The following GSG1L variants were observed in gnomAD, a reference collection of about 807,000 sequenced individuals.
GSG1L encodes germ cell-specific gene 1-like protein.
Under a neutral mutation model 42.1 loss-of-function variants are expected in GSG1L, and 24 were observed. The ratio of observed to expected loss-of-function variants is 0.57; its 90% confidence interval spans 0.41 to 0.80. The LOEUF (loss-of-function observed/expected upper bound fraction) is 0.80. Among genes scored for constraint, GSG1L ranks in the 30% least tolerant of loss-of-function variants. The pLI is 0.00. For missense variants in GSG1L, 445 were observed against 472.2 expected, an observed-to-expected ratio of 0.94 and a Z score of 0.53; for synonymous variants, 215 against 203.5, an observed-to-expected ratio of 1.06 and a Z score of -0.48.
intron 4 of GSG1L, among the ~76,000 whole-genome samples, chr16:27,839,126 T>C (rs1239996561): frequency 1.3e-5 from 2 of 152,166 alleles, no homozygotes; most frequent in Non-Finnish European, 2.9e-5. Flanking sequence ...GGAAAGAGGC[T>C]GGTCTGCTGT....
chr16:27,953,618 C>T (rs1291958108), intron 2 of GSG1L, among the ~76,000 whole-genome samples: 1 of 152,142 alleles, frequency 6.6e-6, no homozygotes, highest in Non-Finnish European at 1.5e-5. Flanking sequence ...ATGGCTCATA[C>T]TTGTAATCCC....
intron 6 of GSG1L, among the ~76,000 whole-genome samples, chr16:27,802,317 C>T (rs941881631): frequency 6.6e-6 from 1 of 152,158 alleles, no homozygotes; most frequent in East Asian, 1.9e-4. Flanking sequence ...CCTGAAGTCA[C>T]GGGATCTCTC....
intron 5 of GSG1L, among the ~76,000 whole-genome samples, chr16:27,816,066 G>A (rs182167513): frequency 6.6e-6 from 1 of 152,290 alleles, no homozygotes; most frequent in Admixed American, 6.5e-5. Context: ...TATTGTTACT[G>A]TTGTCACCAT....
At chr16:27,804,788 A>G in intron 6 of GSG1L, among the ~76,000 whole-genome samples, 1 of 3,136 alleles carries the variant, frequency 3.2e-4, no homozygotes, top group Non-Finnish European at 5.9e-4. Flanking sequence ...TTGGGGGTGG[A>G]GAGGAGGGCT....
chr16:27,873,536 AC>A (rs754657148), intron 3 of GSG1L, among the ~76,000 whole-genome samples: 2 of 152,230 alleles, frequency 1.3e-5, no homozygotes, highest in Non-Finnish European at 2.9e-5. Flanking sequence ...GATGATAACA[AC>A]AAAGATCAAA....
At chr16:27,949,148 C>A (rs1170752172) in intron 2 of GSG1L, among the ~76,000 whole-genome samples, 1 of 151,370 alleles carries the variant, frequency 6.6e-6, no homozygotes, top group Non-Finnish European at 1.5e-5. Context: ...AACTCCGGGG[C>A]TCAAGCAATC....
chr16:27,962,142 G>A (rs1596656342), intron 2 of GSG1L, among the ~76,000 whole-genome samples: 1 of 152,256 alleles, frequency 6.6e-6, no homozygotes, highest in Middle Eastern at 3.4e-3. Context: ...ACACTCCCCC[G>A]TGTCCCTGTG....
intron 2 of GSG1L, chr16:27,888,234 C>A (rs1469865009): frequency 6.4e-6 from 3 of 465,922 alleles, no homozygotes; most frequent in South Asian, 1.8e-4. Flanking sequence ...ACGCTTCCCC[C>A]GCCCCTCTCC....
At chr16:28,051,509 G>GAA (rs76931460) in intron 1 of GSG1L, among the ~76,000 whole-genome samples, 45 of 130,612 alleles carry the variant, frequency 3.4e-4, no homozygotes, top group East Asian at 6.5e-4. Context: ...GAAGTGTTAC[G>GAA]AAAAAAAAAA....
At chr16:27,901,913 G>A (rs1250747362) in intron 2 of GSG1L, among the ~76,000 whole-genome samples, 1 of 152,194 alleles carries the variant, frequency 6.6e-6, no homozygotes, top group Non-Finnish European at 1.5e-5. Flanking sequence ...CTTTGCACTT[G>A]CTGTGCCCTT....
chr16:27,930,383 C>T (rs1208455150), intron 2 of GSG1L, among the ~76,000 whole-genome samples: 1 of 152,206 alleles, frequency 6.6e-6, no homozygotes, highest in African/African-American at 2.4e-5. Context: ...TGCAACCCTC[C>T]CTGCTTTATT....
At chr16:27,876,634 C>T (rs1351913380) in intron 3 of GSG1L, among the ~76,000 whole-genome samples, 2 of 152,208 alleles carry the variant, frequency 1.3e-5, no homozygotes, top group Non-Finnish European at 1.5e-5. Context: ...CTGCTCACAA[C>T]CTAGTTCCCG....
intron 5 of GSG1L, among the ~76,000 whole-genome samples, chr16:27,818,890 T>C (rs1405906414): frequency 1.3e-5 from 2 of 152,164 alleles, no homozygotes; most frequent in African/African-American, 4.8e-5. Flanking sequence ...CGCATGTCAG[T>C]GCCTTAGCTT....
intron 1 of GSG1L, among the ~76,000 whole-genome samples, chr16:27,966,056 G>A (rs1433015485): frequency 6.6e-6 from 1 of 152,312 alleles, no homozygotes; most frequent in African/African-American, 2.4e-5. Flanking sequence ...GCATTCTCCT[G>A]CCTCAGGGCC....
chr16:27,877,547 A>AG (rs2083903027), intron 3 of GSG1L, among the ~76,000 whole-genome samples: 1 of 152,098 alleles, frequency 6.6e-6, no homozygotes, highest in African/African-American at 2.4e-5. Flanking sequence ...GGAGAAGGTG[A>AG]CCAAGGGAGC....
At chr16:27,820,992 C>G (rs1047950493) in intron 5 of GSG1L, among the ~76,000 whole-genome samples, 13 of 152,150 alleles carry the variant, frequency 8.5e-5, no homozygotes, top group Admixed American at 2.6e-4. Context: ...AAATAGCCTT[C>G]CTCACCCACT....
At chr16:27,800,220 G>A (rs777640660) in intron 6 of GSG1L, among the ~76,000 whole-genome samples, 1 of 152,206 alleles carries the variant, frequency 6.6e-6, no homozygotes, top group African/African-American at 2.4e-5. Context: ...AGCAACTCGA[G>A]CAGGACTCTA....
rs148693491 is a variant in GSG1L at position 27,914,932 on chromosome 16, G to A, written c.398-30294C>T. Among the ~76,000 whole-genome samples, 491 of 152,186 alleles carry A rather than the reference G, an allele frequency of 3.2e-3. 6 individuals are homozygous for A. The highest frequency in any genetic ancestry group is 0.011 in the African/African-American group (462 of 41,508). ...GGAAGGGACCATAGACAAGTGGCAGGTGACATTCTTCTGCCTAAACTTCGG... is the reference window on the plus strand; with the variant it reads ...GGAAGGGACCATAGACAAGTGGCAGATGACATTCTTCTGCCTAAACTTCGG... On this transcript the variant is annotated intron_variant, in intron 2 of 6. Transcript: ENST00000447459.
At chr16:27,964,049 A>G (rs1203823345) in intron 1 of GSG1L, among the ~76,000 whole-genome samples, 4 of 152,088 alleles carry the variant, frequency 2.6e-5, no homozygotes, top group Non-Finnish European at 5.9e-5. Flanking sequence ...TGTTTCCTCA[A>G]AGGCTAGAGG....
Sources: allele counts gnomAD v4.1 joint callset (sites outside exome capture counted in the v4.1 genomes callset), GRCh38; gene constraint gnomAD v4.1.1; transcripts MANE v1.5; gene names NCBI Gene and HGNC (gene_info 2026-07-23, HGNC 2026-07-21).